The following CACNA1E variants were observed in gnomAD, a reference collection of about 807,000 sequenced individuals.
CACNA1E encodes calcium voltage-gated channel subunit alpha1 E.
A neutral mutation model predicts 259.2 loss-of-function variants in CACNA1E; 40 were observed. The observed-to-expected ratio is 0.15, with a 90% CI of 0.12 to 0.20. The LOEUF (loss-of-function observed/expected upper bound fraction) is 0.20, where lower values mean the gene tolerates loss of function less well. Ranked by LOEUF, CACNA1E falls within the 10% of genes least tolerant of loss-of-function variation. The pLI is 1.00. For synonymous variants in CACNA1E, 1,104 were observed against 1,138.5 expected, an observed-to-expected ratio of 0.97 and a Z score of 0.61; for missense variants, 1,874 against 3,040.1, an observed-to-expected ratio of 0.62 and a Z score of 9.02.
chr1:181,718,328 T>A (rs893552770), intron 12 of CACNA1E, among the ~76,000 whole-genome samples, 161 bp downstream of exon 12: 1 of 152,198 alleles, frequency 6.6e-6, no homozygotes, highest in Non-Finnish European at 1.5e-5. Context: ...GAGTGAATCC[T>A]TCCCATGCAG....
intron 4 of CACNA1E, among the ~76,000 whole-genome samples, chr1:181,578,279 G>C (rs1258026830): frequency 6.6e-6 from 1 of 152,140 alleles, no homozygotes; most frequent in Non-Finnish European, 1.5e-5. Flanking sequence ...TTGGCTGAGT[G>C]CAGTGGCTCA....
chr1:181,784,123 C>T (rs1330218108), intron 40 of CACNA1E, among the ~76,000 whole-genome samples: 1 of 152,152 alleles, frequency 6.6e-6, no homozygotes, highest in Non-Finnish European at 1.5e-5. Context: ...TGAGAGGCTT[C>T]TGTGGCAGAA....
At chr1:181,769,719 A>AACTC (rs1209638929) in intron 35 of CACNA1E, among the ~76,000 whole-genome samples, 1 of 152,242 alleles carries the variant, frequency 6.6e-6, no homozygotes, top group Non-Finnish European at 1.5e-5. Flanking sequence ...TAATGAATTC[A>AACTC]ACTCATGATA....
intron 2 of CACNA1E, among the ~76,000 whole-genome samples, chr1:181,469,297 TAGAG>T (rs1464111290): frequency 6.6e-6 from 1 of 151,978 alleles, no homozygotes; most frequent in East Asian, 1.9e-4. Context: ...GACTGTGGCA[TAGAG>T]AGAAAAATGA....
chr1:181,464,718 A>G (rs1662047657), intron 2 of CACNA1E, among the ~76,000 whole-genome samples: 1 of 139,638 alleles, frequency 7.2e-6, no homozygotes, highest in South Asian at 2.3e-4. Context: ...CTTTTTCTTT[A>G]CTTATTACAT....
intron 1 of CACNA1E, among the ~76,000 whole-genome samples, chr1:181,491,380 C>T (rs2102510056): frequency 6.6e-6 from 1 of 152,330 alleles, no homozygotes; most frequent in East Asian, 1.9e-4. Context: ...CCCAGAGTTT[C>T]TGGTTCAGTA....
intron 47 of CACNA1E, among the ~76,000 whole-genome samples, chr1:181,797,238 CCAGGATTCA>C (rs1417038441): frequency 1.3e-5 from 2 of 152,152 alleles, no homozygotes; most frequent in African/African-American, 4.8e-5. Context: ...ATCTCTCAGC[CCAGGATTCA>C]CAAGTCAGAG....
intron 6 of CACNA1E, among the ~76,000 whole-genome samples, chr1:181,605,772 AG>A (rs1654176560): frequency 6.6e-6 from 1 of 152,186 alleles, no homozygotes; most frequent in African/African-American, 2.4e-5. Flanking sequence ...AATGGGGTAC[AG>A]GGTGTGTCAT....
At chr1:181,566,396 G>A (rs1014679067) in intron 3 of CACNA1E, among the ~76,000 whole-genome samples, 4 of 152,034 alleles carry the variant, frequency 2.6e-5, no homozygotes, top group Non-Finnish European at 4.4e-5. Flanking sequence ...TTTTCTTTTT[G>A]TTATCACCTG....
chr1:181,508,726 G>A (rs1040645016), intron 1 of CACNA1E, among the ~76,000 whole-genome samples: 1 of 152,196 alleles, frequency 6.6e-6, no homozygotes, highest in Non-Finnish European at 1.5e-5. Context: ...CTAGCTGGGT[G>A]GGCGTCTGTG....
intron 32 of CACNA1E, among the ~76,000 whole-genome samples, chr1:181,761,061 A>G (rs1436909248): frequency 6.6e-6 from 1 of 152,216 alleles, no homozygotes; most frequent in Non-Finnish European, 1.5e-5. Flanking sequence ...ATTCTAATGG[A>G]AAGTGAATTT....
At chr1:181,349,748 C>CTCAGGGTTGTGTAGGGAGGAA (rs1318601959) in intron 1 of CACNA1E, among the ~76,000 whole-genome samples, 1 of 151,952 alleles carries the variant, frequency 6.6e-6, no homozygotes, top group African/African-American at 2.4e-5. Flanking sequence ...GTAGAGAGGA[C>CTCAGGGTTGTGTAGGGAGGAA]TCAGGGTTGT....
chr1:181,732,734 G>C lies in CACNA1E; in HGVS notation c.2648G>C (p.Trp883Ser). The C allele has an allele frequency of 6.4e-7, 1 of 1,553,622 alleles. No homozygotes were observed. Among genetic ancestry groups the C allele is most frequent in the Non-Finnish European group, 8.7e-7 (1 of 1,150,530 alleles). Residue 883 changes from tryptophan to serine, a missense_variant, in exon 20 of 48, where the codon TGG (tryptophan) becomes TCG (serine). By Grantham distance (177) the Trp-to-Ser change is radical. Around this residue, in one of 14 missense-constraint regions of CACNA1E, gnomAD observed 476 missense variants for 514.0 expected, o/e 0.93. Coordinates refer to ENST00000367573, the MANE Select transcript of CACNA1E (RefSeq NM_001205293.3). The surrounding 1 kb of genome is among the most constrained non-coding windows in gnomAD (Gnocchi z 5.5). ...TCCCTGGGCCAGCGGGAGCCACCATGGCTGGCCAGGCCCTGTCATGGAAAC... is the reference window on the plus strand; with the variant it reads ...TCCCTGGGCCAGCGGGAGCCACCATCGCTGGCCAGGCCCTGTCATGGAAAC... ...PLSLGQREPP[W>S]LARPCHGNCD...
At chr1:181,790,319 T>A (rs930727692) in intron 43 of CACNA1E, 126 bp from the exon 44 acceptor site, 2 of 475,646 alleles carry the variant, frequency 4.2e-6, no homozygotes, top group Non-Finnish European at 3.8e-6. Flanking sequence ...ATTTCAGGAC[T>A]AGCCACATGT....
chr1:181,400,224 A>G (rs1439713863), intron 1 of CACNA1E, among the ~76,000 whole-genome samples: 1 of 152,236 alleles, frequency 6.6e-6, no homozygotes, highest in Non-Finnish European at 1.5e-5. Flanking sequence ...ACTTTAGTGG[A>G]AAACAACTTG....
chr1:181,396,239 T>C (rs1390458216), intron 1 of CACNA1E, among the ~76,000 whole-genome samples: 1 of 152,240 alleles, frequency 6.6e-6, no homozygotes, highest in African/African-American at 2.4e-5. Context: ...CAGTCTTTTG[T>C]ACCTAACTGT....
intron 3 of CACNA1E, among the ~76,000 whole-genome samples, chr1:181,570,098 T>C (rs1650259263): frequency 6.6e-6 from 1 of 152,136 alleles, no homozygotes; most frequent in Admixed American, 6.5e-5. Flanking sequence ...ATAAGGAAAC[T>C]GATATATTAT....
rs1006372101 is a variant in CACNA1E, at chr1:181,572,357, C to G, written c.513-5409C>G. ...ATGAGAAAGACTTGTGCTGCATCAT[C>G]AGGATTGTATCAATCTCCATTCTCT... On this transcript the variant is annotated intron_variant, in intron 3 of 47. Transcript: ENST00000367573. Among the ~76,000 whole-genome samples the G allele has an allele frequency of 4.6e-5, 7 of 152,330 alleles. No homozygotes were observed. The Middle Eastern group carries it at 0.01, about 222-fold the overall frequency.
Position 181,756,931 on chromosome 1 carries a change from G to T in CACNA1E, c.4134G>T (p.Leu1378=). The part of the protein sequence containing the change: ...VSTGEGWPQV[L]QHSVDVTEED... ...TCTTGTTCTGTCCCCATAGAGTTCT[G>T]CAGCACTCTGTAGATGTGACAGAGG... The change falls in exon 30 of 48, where the codon CTG becomes CTT. Residue 1378 remains leucine (L), a synonymous_variant. Transcript: ENST00000367573. The T allele has an allele frequency of 6.2e-7, 1 of 1,611,366 alleles. No individual in the cohort carries two copies. Among genetic ancestry groups the T allele is most frequent in the Non-Finnish European group, 8.5e-7 (1 of 1,177,490 alleles).
Sources: gnomAD v4.1 joint callset for allele counts (sites outside exome capture counted in the v4.1 genomes callset) on GRCh38, gnomAD v4.1.1 for gene constraint, gnomAD v4.1.1 regional missense constraint, Gnocchi (gnomAD v3.1) non-coding constraint, MANE v1.5 for transcripts, NCBI Gene and HGNC (gene_info 2026-07-23, HGNC 2026-07-21) for gene names.